ZNF710: variants seen among roughly 807,000 people sequenced by gnomAD.
The protein encoded by ZNF710 is zinc finger protein 710.
A neutral mutation model predicts 50.6 loss-of-function variants in ZNF710; 13 were observed. The observed-to-expected ratio is 0.26, with a 90% CI of 0.17 to 0.41. ZNF710 has a LOEUF of 0.41. ZNF710 is among the 10% of genes least tolerant of loss of function. The pLI is 1.00. For synonymous variants in ZNF710, 383 were observed against 397.0 expected, an observed-to-expected ratio of 0.96 and a Z score of 0.42; for missense variants, 721 against 936.6, an observed-to-expected ratio of 0.77 and a Z score of 3.01.
intron 1 of ZNF710, among the ~76,000 whole-genome samples, chr15:90,012,840 T>A (rs1301882034): frequency 6.6e-6 from 1 of 152,148 alleles, no homozygotes; most frequent in Non-Finnish European, 1.5e-5. Context: ...TATTTTTTTT[T>A]ATTTCTGGGT....
chr15:90,074,008 A>AAC, intron 3 of ZNF710, 108 bp from the exon 4 acceptor site: 3 of 1,251,704 alleles, frequency 2.4e-6, no homozygotes, highest in Admixed American at 6.1e-5. Context: ...AACAAAAAAA[A>AAC]AAAACAAAAG....
chr15:90,013,895 T>A (rs1898380130), intron 1 of ZNF710, among the ~76,000 whole-genome samples: 1 of 152,168 alleles, frequency 6.6e-6, no homozygotes, highest in Admixed American at 6.5e-5. Context: ...CCTATTAGTC[T>A]GTGAGTGTAC....
At position 90,067,257 on chromosome 15, in the gene ZNF710, C is replaced by G; in HGVS notation, c.120C>G (p.Ala40=). The change falls in exon 2 of 5, where the codon GCC becomes GCG. Residue 40 remains alanine, a synonymous_variant. Transcript: ENST00000268154. This position sits in a 1 kb window ranked among gnomAD's most constrained non-coding sequence, Gnocchi z 8.1. ...AGCTCTTTGGAGCTACCATAAGCGC[C>G]GAGGCCTTCTACCCGGACCTGGGGC... The part of the protein sequence containing the change: ...ENELFGATIS[A]EAFYPDLGPE... 2 of 1,613,260 alleles carry G rather than the reference C, an allele frequency of 1.2e-6. No homozygotes were observed. Among genetic ancestry groups the G allele is most frequent in the Non-Finnish European group, 1.7e-6 (2 of 1,179,832 alleles).
intron 1 of ZNF710, among the ~76,000 whole-genome samples, chr15:90,013,503 G>A (rs1898369938): frequency 6.6e-6 from 1 of 152,194 alleles, no homozygotes; most frequent in South Asian, 2.1e-4. Flanking sequence ...GGGAGGATGT[G>A]TGTTTCCTTC....
chr15:90,079,624 A>G, intron 4 of ZNF710, 36 bp from the exon 5 acceptor site: 2 of 1,598,498 alleles, frequency 1.3e-6, no homozygotes, highest in Non-Finnish European at 1.7e-6. Flanking sequence ...CTCCCGAGAG[A>G]TGGCAGCCAG....
intron 1 of ZNF710, among the ~76,000 whole-genome samples, chr15:90,010,928 G>GTTTTT (rs11341248): frequency 7.6e-5 from 6 of 79,074 alleles, no homozygotes; most frequent in African/African-American, 1.6e-4. Context: ...TTGGTTTTTT[G>GTTTTT]TTTTTTTTTT....
chr15:90,036,157 CTTCT>C (rs1377935131), intron 1 of ZNF710, among the ~76,000 whole-genome samples: 1 of 152,178 alleles, frequency 6.6e-6, no homozygotes, highest in African/African-American at 2.4e-5. Context: ...ACCCTGTTTC[CTTCT>C]TTCTTTGTGA....
chr15:90,008,594 G>A (rs991469437), intron 1 of ZNF710, among the ~76,000 whole-genome samples: 4 of 150,994 alleles, frequency 2.6e-5, no homozygotes, highest in Non-Finnish European at 5.9e-5. Context: ...AACAGCCTGG[G>A]CAACATAGTG....
intron 1 of ZNF710, among the ~76,000 whole-genome samples, chr15:90,005,125 G>C (rs867343994): frequency 3.9e-5 from 6 of 152,358 alleles, no homozygotes; most frequent in African/African-American, 1.4e-4. Context: ...AAATGTACTA[G>C]AACGTTTGTG....
chr15:90,073,320 A>G, intron 3 of ZNF710, 58 bp downstream of exon 3: 1 of 1,564,404 alleles, frequency 6.4e-7, no homozygotes, highest in East Asian at 2.3e-5. Flanking sequence ...TGGAATCAGC[A>G]TGCCTGCAGC....
rs560543074 is a variant in ZNF710 at position 90,034,286 on chromosome 15, A to C, written c.-29+32672A>C. ...TTCTTCTGCCAGATAGAAACAAGAT[A>C]TCACATGCAAGAGGCTCTACACATG... On this transcript the variant is annotated intron_variant, in intron 1 of 4. Transcript: ENST00000268154. The surrounding 1 kb of genome is among the most constrained non-coding windows in gnomAD (Gnocchi z 4.0). Among the ~76,000 whole-genome samples, 5 of 152,264 alleles carry C rather than the reference A, an allele frequency of 3.3e-5. No individual in the cohort carries two copies. The South Asian group carries it at 6.2e-4, about 19-fold the overall frequency.
intron 4 of ZNF710, among the ~76,000 whole-genome samples, chr15:90,077,239 C>CTTT (rs34572330): frequency 7.6e-5 from 6 of 79,080 alleles, no homozygotes; most frequent in Non-Finnish European, 9.2e-5. Flanking sequence ...TCTCAAGGTG[C>CTTT]TTTTTTTTTT....
At chr15:90,066,861 A>C (rs1273243268) in intron 1 of ZNF710, among the ~76,000 whole-genome samples, 2 of 152,190 alleles carry the variant, frequency 1.3e-5, no homozygotes, top group Non-Finnish European at 2.9e-5. Flanking sequence ...ACAGATGGGA[A>C]GACTGAGGCC....
At chr15:90,008,424 G>A (rs924478377) in intron 1 of ZNF710, among the ~76,000 whole-genome samples, 1,288 of 125,840 alleles carry the variant, frequency 0.01, 46 homozygotes, top group African/African-American at 0.046. Context: ...GTGTGTGTGT[G>A]TGTATATATA....
rs115587761 is a variant in ZNF710, at chr15:90,043,451, C to T, written c.-28-23659C>T. Among the ~76,000 whole-genome samples the T allele has an allele frequency of 4.8e-3, 724 of 152,350 alleles. 3 individuals are homozygous for T. Among genetic ancestry groups the T allele is most frequent in the African/African-American group, 0.016 (682 of 41,590 alleles). ...ACCCTGTAATAAAGCTGATGGCTGC[C>T]GGCCTGTGGCGCCCCTGGAGAGGGA... On this transcript the variant is annotated intron_variant, in intron 1 of 4. Transcript: ENST00000268154.
intron 1 of ZNF710, among the ~76,000 whole-genome samples, chr15:90,036,053 G>A (rs530356016): frequency 6.6e-4 from 100 of 152,232 alleles, no homozygotes; most frequent in Non-Finnish European, 1.2e-3. Context: ...AGACGCACTC[G>A]CCCCATCCGG....
intron 1 of ZNF710, among the ~76,000 whole-genome samples, chr15:90,013,184 C>T (rs867882439): frequency 6.6e-6 from 1 of 152,076 alleles, no homozygotes; most frequent in African/African-American, 2.4e-5. Flanking sequence ...CTGCAACCTC[C>T]ACCTCCCCCG....
chr15:90,039,745 G>A (rs1364123629), intron 1 of ZNF710, among the ~76,000 whole-genome samples: 1 of 152,164 alleles, frequency 6.6e-6, no homozygotes, highest in Non-Finnish European at 1.5e-5. Flanking sequence ...CCAGCAGCGA[G>A]TGGCACCTCT....
At chr15:90,053,654 C>T (rs1899716421) in intron 1 of ZNF710, among the ~76,000 whole-genome samples, 1 of 152,116 alleles carries the variant, frequency 6.6e-6, no homozygotes, top group East Asian at 1.9e-4. Context: ...TGAATTCCTG[C>T]CTGGAGCTGG....
Sources: gnomAD v4.1 joint callset for allele counts (sites outside exome capture counted in the v4.1 genomes callset) on GRCh38, gnomAD v4.1.1 for gene constraint, Gnocchi (gnomAD v3.1) non-coding constraint, MANE v1.5 for transcripts, NCBI Gene and HGNC (gene_info 2026-07-23, HGNC 2026-07-21) for gene names.